Variants in SCTR observed in about 807,000 individuals in gnomAD.
SCTR encodes pancreatic secretin receptor.
Under a neutral mutation model 60.8 loss-of-function variants are expected in SCTR, and 56 were observed. The observed-to-expected ratio is 0.92, with a 90% confidence interval of 0.74 to 1.15. The LOEUF (loss-of-function observed/expected upper bound fraction) is 1.15, where lower values mean the gene tolerates loss of function less well. Among genes scored for constraint, SCTR ranks in the 50% most tolerant of loss-of-function variants. The probability of loss-of-function intolerance (pLI) is 0.00; values close to 1 mark genes in which losing one functional copy is unlikely to be tolerated. For synonymous variants in SCTR, 202 were observed against 217.0 expected (o/e 0.93, Z 0.61); for missense variants, 562 against 550.4 (o/e 1.02, Z -0.21).
At position 119,441,606 on chromosome 2, in the gene SCTR, G is replaced by C; in HGVS notation, c.1141-7C>G. On this transcript the variant is annotated splice_polypyrimidine_tract_variant and splice_region_variant and intron_variant, in intron 11 of 12. Coordinates refer to ENST00000019103, the MANE Select transcript of SCTR (RefSeq NM_002980.3). ...GGACGGCCACCACCAGTCCCTGCCA[G>C]AAGAAGAGAGGTAGCAGGGTTAGCA... 6.2e-7 allele frequency: 1 copy of C among 1,612,776 alleles called. No individual in the cohort carries two copies. The highest frequency in any genetic ancestry group is 8.5e-7 in the Non-Finnish European group (1 of 1,179,352).
chr2:119,494,497 G>A lies in SCTR; in HGVS notation c.124C>T (p.Gln42Ter). ...GAGAGTTCCTGCAGGCACTGGTCTT[G>A]CTCTTCCCACAGCACTTGTAGCACG... is the stretch of plus-strand genomic sequence containing the variant. ...CDVLQVLWEE[Q>*]DQCLQELSRE... Residue 42 changes from glutamine to a stop codon, truncating the protein, a stop_gained, in exon 2 of 13, where the codon CAA (glutamine) becomes TAA (stop). Coordinates refer to ENST00000019103, the MANE Select transcript of SCTR (RefSeq NM_002980.3). LOFTEE classifies it high-confidence loss of function. 1 of 1,614,058 alleles carries A rather than the reference G, an allele frequency of 6.2e-7. No homozygotes were observed. The highest frequency in any genetic ancestry group is 8.5e-7 in the Non-Finnish European group (1 of 1,179,972).
At chr2:119,510,072 T>C (rs1678882149) in intron 1 of SCTR, among the ~76,000 whole-genome samples, 4 of 152,098 alleles carry the variant, frequency 2.6e-5, no homozygotes, top group Admixed American at 6.6e-5. Context: ...GCCATGTTGG[T>C]TTGCTGCACC....
At chr2:119,474,625 A>C (rs573249407) in intron 3 of SCTR, among the ~76,000 whole-genome samples, 1 of 152,162 alleles carries the variant, frequency 6.6e-6, no homozygotes. Context: ...TGAGCGTGGC[A>C]TGCTTCTTTA....
chr2:119,446,079 T>A (rs989409630), intron 11 of SCTR, among the ~76,000 whole-genome samples: 1 of 152,244 alleles, frequency 6.6e-6, no homozygotes, highest in African/African-American at 2.4e-5. Flanking sequence ...GTTTTTAAGT[T>A]CACAGCATCT....
rs1677121943 is a variant in SCTR, at chr2:119,473,546, G to A, written c.312C>T (p.Phe104=). 1 of 1,613,256 alleles carries A rather than the reference G, an allele frequency of 6.2e-7. No homozygotes were observed. The highest frequency in any genetic ancestry group is 8.5e-7 in the Non-Finnish European group (1 of 1,179,326). ...RMLTSRNGSL[F]RNCTQDGWSE... is the part of the protein sequence containing the mutation. ...ACCAGCCATCCTGTGTGCAGTTTCG[G>A]AACAAGGAACCTGTGGGTGCCAAGA... The change falls in exon 4 of 13, where the codon TTC becomes TTT. Residue 104 remains phenylalanine, a synonymous_variant. Coordinates refer to ENST00000019103, the MANE Select transcript of SCTR (RefSeq NM_002980.3).
intron 12 of SCTR, among the ~76,000 whole-genome samples, chr2:119,441,053 T>C (rs1387701078): frequency 6.6e-6 from 1 of 151,992 alleles, no homozygotes; most frequent in African/African-American, 2.4e-5. Flanking sequence ...TCAAAGTGAG[T>C]GTGCAGTCTC....
At chr2:119,498,113 A>G (rs915462304) in intron 1 of SCTR, among the ~76,000 whole-genome samples, 5 of 152,154 alleles carry the variant, frequency 3.3e-5, no homozygotes, top group Non-Finnish European at 5.9e-5. Flanking sequence ...ACTAAGAAAA[A>G]ACCTAGAAAG....
At chr2:119,455,850 C>T (rs1282395842) in intron 7 of SCTR, among the ~76,000 whole-genome samples, 1 of 151,942 alleles carries the variant, frequency 6.6e-6, no homozygotes, top group Non-Finnish European at 1.5e-5. Context: ...CATGAATTTT[C>T]AGATGAAAGG....
rs766415684 is a variant in SCTR at position 119,440,177 on chromosome 2, G to A, written c.1263C>T (p.Asn421=). 3 of 1,613,974 alleles carry A rather than the reference G, an allele frequency of 1.9e-6. No individual in the cohort carries two copies. The highest frequency in any genetic ancestry group is 3.3e-4 in the Middle Eastern group (2 of 6,020). The change falls in exon 13 of 13, where the codon AAC becomes AAT. Residue 421 remains asparagine, a synonymous_variant. Coordinates refer to ENST00000019103, the MANE Select transcript of SCTR (RefSeq NM_002980.3). ...FPLHPVASFS[N]STKASHLEQS... is the part of the protein sequence containing the mutation. ...GCTCCAAGTGGCTGGCCTTGGTGCT[G>A]TTGCTGAAGGAGGCCACGGGGTGCA...
At chr2:119,461,646 G>A (rs1683606353) in intron 7 of SCTR, among the ~76,000 whole-genome samples, 1 of 149,646 alleles carries the variant, frequency 6.7e-6, no homozygotes, top group African/African-American at 2.5e-5. Context: ...GGGAGATGAA[G>A]GTTGCAGTGA....
chr2:119,522,219 C>T (rs1679309117), intron 1 of SCTR, among the ~76,000 whole-genome samples: 1 of 152,106 alleles, frequency 6.6e-6, no homozygotes, highest in African/African-American at 2.4e-5. Context: ...TCCCTTGAAC[C>T]TGGGAGGCGG....
chr2:119,440,386 G>T, intron 12 of SCTR, 129 bp from the exon 13 acceptor site: 2 of 1,037,996 alleles, frequency 1.9e-6, no homozygotes, highest in Non-Finnish European at 2.7e-6. Flanking sequence ...CTAGCCTGCA[G>T]GCCACGCAGA....
At position 119,448,809 on chromosome 2, in the gene SCTR, G is replaced by GA. The variant is rs774782352; in HGVS notation, c.922-30dup. ...CAAAACACAAGGCAGAGGTGGGGCT[G>GA]AAGGCATCTTGCTTTTCCAGCCACC... is the stretch of plus-strand genomic sequence containing the variant. On this transcript the variant is annotated intron_variant, in intron 9 of 12. Transcript: ENST00000019103. 29 of 1,303,308 alleles carry GA rather than the reference G, an allele frequency of 2.2e-5. 1 individual carries two copies. In the Middle Eastern group the frequency reaches 1.6e-3, roughly 74 times the overall value. The allele number at this position is 1,303,308 out of a possible 1,614,324, so 80.7% of individuals were successfully genotyped here. A position where few individuals can be genotyped will look rare whatever the true frequency, so the allele number is the denominator to read the frequency against.
At chr2:119,460,445 T>C (rs959588795) in intron 7 of SCTR, among the ~76,000 whole-genome samples, 4 of 144,036 alleles carry the variant, frequency 2.8e-5, no homozygotes, top group African/African-American at 5.8e-5. Flanking sequence ...GGTGGATGGA[T>C]GGATGGATGG....
chr2:119,506,128 T>G lies in SCTR; in HGVS notation c.73-11580A>C, dbSNP rs563240546. On this transcript the variant is annotated intron_variant, in intron 1 of 12. Coordinates refer to ENST00000019103, the MANE Select transcript of SCTR (RefSeq NM_002980.3). ...GTGTCTTGAAAACCAACCAGGCAAC[T>G]AAACATGCAACTACGACAGTCCTGG... Among the ~76,000 whole-genome samples the G allele has an allele frequency of 2.6e-5, 4 of 152,284 alleles. No homozygotes were observed. In the South Asian group the frequency reaches 6.2e-4, roughly 24 times the overall value.
intron 11 of SCTR, among the ~76,000 whole-genome samples, chr2:119,444,484 T>C (rs1682823150): frequency 9.6e-6 from 1 of 103,740 alleles, no homozygotes; most frequent in Non-Finnish European, 1.8e-5. Context: ...CGTACGTATA[T>C]ATATACACAT....
chr2:119,471,435 T>A (rs1024917858), intron 4 of SCTR, among the ~76,000 whole-genome samples: 1 of 152,154 alleles, frequency 6.6e-6, no homozygotes, highest in African/African-American at 2.4e-5. Flanking sequence ...TCTGACCAGA[T>A]CTGAAGACCT....
intron 1 of SCTR, among the ~76,000 whole-genome samples, chr2:119,499,139 A>G (rs1678447315): frequency 6.6e-6 from 1 of 152,094 alleles, no homozygotes; most frequent in African/African-American, 2.4e-5. Context: ...GACACATTAC[A>G]TAATGATAAA....
chr2:119,479,304 A>G, intron 2 of SCTR: 1 of 998,350 alleles, frequency 1.0e-6, no homozygotes, highest in Non-Finnish European at 1.2e-6. Context: ...TTCTAGCTTC[A>G]TGGTACGACT....
Sources: allele counts gnomAD v4.1 joint callset (sites outside exome capture counted in the v4.1 genomes callset), GRCh38; gene constraint gnomAD v4.1.1; transcripts MANE v1.5; gene names NCBI Gene and HGNC (gene_info 2026-07-23, HGNC 2026-07-21).